The following DPP10 variants were observed in gnomAD, a reference collection of about 807,000 sequenced individuals.
DPP10 encodes dipeptidyl peptidase like 10, also known as inactive dipeptidyl peptidase 10.
DPP10 carries 33 observed loss-of-function variants against 120.9 expected under a neutral mutation model. The ratio of observed to expected loss-of-function variants is 0.27; its 90% confidence interval spans 0.21 to 0.37. The LOEUF (loss-of-function observed/expected upper bound fraction) is 0.37, where lower values mean the gene tolerates loss of function less well. Among genes scored for constraint, DPP10 ranks in the 10% least tolerant of loss-of-function variants. The pLI, the probability that DPP10 is intolerant of heterozygous loss-of-function variation, is 1.00. For missense variants in DPP10, 816 were observed against 942.8 expected, an observed-to-expected ratio of 0.87 and a Z score of 1.76; for synonymous variants, 337 against 326.1, an observed-to-expected ratio of 1.03 and a Z score of -0.36.
At chr2:115,005,872 CAA>C (rs1483734141) in intron 1 of DPP10, among the ~76,000 whole-genome samples, 1 of 152,076 alleles carries the variant, frequency 6.6e-6, no homozygotes, top group African/African-American at 2.4e-5. Context: ...GAGAACGCCA[CAA>C]AGATAATCCT....
chr2:115,354,876 A>G (rs1294044411), intron 3 of DPP10, among the ~76,000 whole-genome samples: 6 of 152,102 alleles, frequency 3.9e-5, no homozygotes, highest in Non-Finnish European at 5.9e-5. Flanking sequence ...CAAAGCACAT[A>G]ATCTCATTCC....
intron 1 of DPP10, among the ~76,000 whole-genome samples, chr2:114,498,755 A>T (rs990391636): frequency 6.6e-6 from 1 of 152,180 alleles, no homozygotes; most frequent in Non-Finnish European, 1.5e-5. Flanking sequence ...TGACCCAATC[A>T]TCACCTAAAG....
chr2:114,678,853 T>G (rs1241473730), intron 1 of DPP10, among the ~76,000 whole-genome samples: 1 of 152,070 alleles, frequency 6.6e-6, no homozygotes, highest in Non-Finnish European at 1.5e-5. Context: ...TGATTGTATA[T>G]TCTCTAAGAA....
At chr2:114,994,674 T>C (rs1429858840) in intron 1 of DPP10, among the ~76,000 whole-genome samples, 2 of 152,194 alleles carry the variant, frequency 1.3e-5, no homozygotes, top group African/African-American at 4.8e-5. Context: ...AGAGTTCTAC[T>C]TACTCATTAT....
chr2:115,836,634 T>G (rs753566658), intron 23 of DPP10, 40 bp from the exon 24 acceptor site: 61 of 1,609,824 alleles, frequency 3.8e-5, no homozygotes, highest in Non-Finnish European at 4.1e-5. Flanking sequence ...AATGGCTTAT[T>G]TAGATCTATA....
intron 5 of DPP10, among the ~76,000 whole-genome samples, chr2:115,586,089 G>A (rs566731368): frequency 1.6e-4 from 25 of 152,194 alleles, no homozygotes; most frequent in Middle Eastern, 3.4e-3. Context: ...TTGGGAGGCC[G>A]AGGCAGGTGG....
At chr2:115,654,968 A>G (rs1192181650) in intron 5 of DPP10, among the ~76,000 whole-genome samples, 1 of 151,726 alleles carries the variant, frequency 6.6e-6, no homozygotes, top group Non-Finnish European at 1.5e-5. Context: ...TGATTTTTCT[A>G]ATTTCCAAAA....
chr2:115,477,870 G>A (rs1163072906), intron 3 of DPP10, among the ~76,000 whole-genome samples: 1 of 152,156 alleles, frequency 6.6e-6, no homozygotes, highest in Non-Finnish European at 1.5e-5. Flanking sequence ...AAAATGGGAT[G>A]TATAGGAAGC....
chr2:115,131,843 C>T (rs929660922), intron 1 of DPP10: 1 of 151,778 alleles, frequency 6.6e-6, no homozygotes, highest in Non-Finnish European at 1.5e-5. Flanking sequence ...AATACCAGCA[C>T]TTTGAGAAGC....
chr2:115,623,696 A>G (rs1301362722), intron 5 of DPP10, among the ~76,000 whole-genome samples: 1 of 152,158 alleles, frequency 6.6e-6, no homozygotes, highest in Non-Finnish European at 1.5e-5. Context: ...GTTAGAACAG[A>G]TCACTGGTAC....
chr2:115,163,362 T>G (rs58110812), intron 1 of DPP10, among the ~76,000 whole-genome samples: 19,167 of 152,148 alleles, frequency 0.13, 1,391 homozygotes, highest in African/African-American at 0.17. Context: ...TTCTCTCACA[T>G]GTGTTTCACA....
chr2:115,687,749 A>G (rs1426071168), intron 5 of DPP10, among the ~76,000 whole-genome samples: 1 of 152,096 alleles, frequency 6.6e-6, no homozygotes, highest in East Asian at 1.9e-4. Context: ...CAATTAGAGA[A>G]CGACCAGCAA....
intron 5 of DPP10, among the ~76,000 whole-genome samples, chr2:115,597,282 T>C (rs990230417): frequency 6.6e-6 from 1 of 152,102 alleles, no homozygotes. Context: ...GGTCAAGTTT[T>C]TTCACAATAC....
At chr2:115,544,334 G>C (rs1048329971) in intron 5 of DPP10, among the ~76,000 whole-genome samples, 1 of 152,020 alleles carries the variant, frequency 6.6e-6, no homozygotes, top group Non-Finnish European at 1.5e-5. Flanking sequence ...TTCAGCATAT[G>C]TGTCCATGAT....
At chr2:115,447,230 A>G (rs770730465) in intron 3 of DPP10, among the ~76,000 whole-genome samples, 10 of 152,090 alleles carry the variant, frequency 6.6e-5, no homozygotes, top group South Asian at 2.1e-4. Context: ...ACTTTGGCCA[A>G]TTTCTCCCAT....
At chr2:115,728,522 A>G (rs1344625994) in intron 8 of DPP10, among the ~76,000 whole-genome samples, 1 of 152,214 alleles carries the variant, frequency 6.6e-6, no homozygotes, top group Non-Finnish European at 1.5e-5. Flanking sequence ...TGAGTTCTAC[A>G]TATAGATTGC....
At chr2:114,708,102 T>C (rs981374761) in intron 1 of DPP10, among the ~76,000 whole-genome samples, 1 of 151,916 alleles carries the variant, frequency 6.6e-6, no homozygotes, top group African/African-American at 2.4e-5. Flanking sequence ...ATGATAGGAG[T>C]CAGGCAAAGC....
intron 1 of DPP10, among the ~76,000 whole-genome samples, chr2:115,247,269 C>A (rs778069724): frequency 6.6e-6 from 1 of 152,032 alleles, no homozygotes; most frequent in Non-Finnish European, 1.5e-5. Flanking sequence ...ATGTCCTCAT[C>A]ATTGAGCTAC....
rs577725383 is a variant in DPP10 at position 114,468,188 on chromosome 2, G to C, written c.60+25350G>C. 6.6e-5 allele frequency among the ~76,000 whole-genome samples: 10 copies of C among 152,142 alleles called. No individual in the cohort carries two copies. The East Asian group carries it at 1.9e-3, about 29-fold the overall frequency. On this transcript the variant is annotated intron_variant, in intron 1 of 25. Transcript: ENST00000410059. ...ATAGATGGGAAAACTAAGAGGTTCAGTTACCTTTCTAAGGTCCAAGGCTAG... is the reference window on the plus strand; with the variant it reads ...ATAGATGGGAAAACTAAGAGGTTCACTTACCTTTCTAAGGTCCAAGGCTAG...
Sources: gnomAD v4.1 joint callset for allele counts (sites outside exome capture counted in the v4.1 genomes callset) on GRCh38, gnomAD v4.1.1 for gene constraint, MANE v1.5 for transcripts, NCBI Gene and HGNC (gene_info 2026-07-23, HGNC 2026-07-21) for gene names.